TET3: variants seen among roughly 807,000 people sequenced by gnomAD.
TET3 encodes the protein tet methylcytosine dioxygenase 3.
TET3 carries 19 observed loss-of-function variants against 141.4 expected under a neutral mutation model. The observed-to-expected ratio is 0.13, with a 90% CI of 0.09 to 0.20. TET3 has a LOEUF of 0.20. Among genes scored for constraint, TET3 ranks in the 10% least tolerant of loss-of-function variants. The probability of loss-of-function intolerance (pLI) is 1.00; values close to 1 mark genes in which losing one functional copy is unlikely to be tolerated. For synonymous variants in TET3, 1,043 were observed against 980.9 expected, an observed-to-expected ratio of 1.06 and a Z score of -1.18; for missense variants, 1,874 against 2,356.9, an observed-to-expected ratio of 0.80 and a Z score of 4.24.
At chr2:74,034,909 A>C (rs972685069) in intron 3 of TET3, among the ~76,000 whole-genome samples, 2 of 151,846 alleles carry the variant, frequency 1.3e-5, no homozygotes, top group Non-Finnish European at 2.9e-5. Context: ...GTGGTTGTTG[A>C]GGGCCGGGCG....
In TET3 at chr2:74,100,467, A is replaced by G. The variant is rs760979938; in HGVS notation, c.3679A>G (p.Ser1227Gly). The change falls in exon 12 of 12, where the codon AGC (serine) becomes GGC (glycine). Residue 1227 changes from serine (S) to glycine (G), a missense_variant. Physicochemically the swap from Ser to Gly is moderately conservative, Grantham distance 56. Around this residue, in one of 10 missense-constraint regions of TET3, gnomAD observed 602 missense variants for 590.2 expected, o/e 1.02. Coordinates refer to ENST00000409262, the MANE Select transcript of TET3 (RefSeq NM_001287491.2). Reference protein sequence around the residue: ...SLKVEPQNHFSSFKYSGNAVV... With the variant: ...SLKVEPQNHFGSFKYSGNAVV... Reference sequence around the variant, plus strand: ...CAAGGTGGAGCCGCAGAACCACTTCAGCTCCTTCAAGTACAGCGGCAACGC... The same window carrying G: ...CAAGGTGGAGCCGCAGAACCACTTCGGCTCCTTCAAGTACAGCGGCAACGC... 2 of 1,590,556 alleles carry G rather than the reference A, an allele frequency of 1.3e-6. No individual in the cohort carries two copies. The highest frequency in any genetic ancestry group is 4.6e-5 in the East Asian group (2 of 43,460).
At chr2:74,134,991 G>C in the TET3 span, 1 of 270,588 alleles carries the variant, frequency 3.7e-6, no homozygotes, top group Non-Finnish European at 7.4e-6. Context: ...TGTGAGGGAG[G>C]CAGGGAAAGT....
At chr2:74,002,671 C>T (rs1320559838) in intron 2 of TET3, 11 of 407,758 alleles carry the variant, frequency 2.7e-5, no homozygotes, top group East Asian at 1.1e-4. Flanking sequence ...CGCACACCAG[C>T]CCCGCGGCGG....
At chr2:74,122,403 C>CAAGA in the TET3 span, 1 of 144,944 alleles carries the variant, frequency 6.9e-6, no homozygotes, top group Admixed American at 7.1e-5. Context: ...AGGAGCCAGT[C>CAAGA]AAGAAAGTGG....
At chr2:74,117,466 T>C in the TET3 span, among the ~76,000 whole-genome samples, 7 of 151,976 alleles carry the variant, frequency 4.6e-5, no homozygotes, top group Non-Finnish European at 8.8e-5. Flanking sequence ...CTCTGCCTCC[T>C]GTGAGGCTCA....
chr2:74,054,828 A>G (rs777161983), intron 4 of TET3, among the ~76,000 whole-genome samples: 1 of 152,170 alleles, frequency 6.6e-6, no homozygotes, highest in African/African-American at 2.4e-5. Flanking sequence ...TATTTGTTCT[A>G]TGTGCACCAG....
At chr2:74,097,150 G>T (rs1356853248) in intron 10 of TET3, among the ~76,000 whole-genome samples, 1 of 142,376 alleles carries the variant, frequency 7.0e-6, no homozygotes, top group Non-Finnish European at 1.5e-5. Context: ...AGAATAGCAT[G>T]TATATATAAT....
chr2:73,997,580 T>A (rs1329607485), intron 2 of TET3, among the ~76,000 whole-genome samples: 1 of 152,154 alleles, frequency 6.6e-6, no homozygotes, highest in Non-Finnish European at 1.5e-5. Flanking sequence ...ACCTTCCTGG[T>A]GTATCCTGGG....
intron 3 of TET3, among the ~76,000 whole-genome samples, chr2:74,008,067 G>C (rs897056222): frequency 6.6e-6 from 1 of 152,084 alleles, no homozygotes; most frequent in Non-Finnish European, 1.5e-5. Context: ...AGCAGTTTAC[G>C]GGCCATATCC....
Position 74,103,931 on chromosome 2 carries a change from T to A in TET3, c.*1755T>A, listed in dbSNP as rs1381195917. On this transcript the variant is annotated 3_prime_UTR_variant, in exon 12 of 12. Transcript: ENST00000409262. ...GGTCTTCATGAATCATGTTTAACAA[T>A]CAGATGACCGCTATAGGCAAGTTCC... The A allele has an allele frequency of 6.5e-6, 1 of 153,674 alleles. No homozygotes were observed. The allele number at this position is 153,674 out of a possible 1,614,324, so 9.5% of individuals were successfully genotyped here. A position where few individuals can be genotyped will look rare whatever the true frequency, so the allele number is the denominator to read the frequency against.
chr2:73,988,209 G>C (rs1684143791), intron 2 of TET3, among the ~76,000 whole-genome samples: 2 of 152,222 alleles, frequency 1.3e-5, no homozygotes, highest in African/African-American at 4.8e-5. Flanking sequence ...AGGGTGTTAT[G>C]AAGCGGGGGA....
intron 3 of TET3, among the ~76,000 whole-genome samples, chr2:74,017,066 G>T (rs1685766790): frequency 6.6e-6 from 1 of 152,056 alleles, no homozygotes; most frequent in Admixed American, 6.5e-5. Context: ...CAGCAGAATT[G>T]CTTGAGGTGG....
intron 4 of TET3, among the ~76,000 whole-genome samples, chr2:74,065,442 T>G (rs574660775): frequency 6.6e-6 from 1 of 152,348 alleles, no homozygotes; most frequent in African/African-American, 2.4e-5. Flanking sequence ...AGATCATTCT[T>G]TGATCATTTC....
At chr2:74,066,379 C>T (rs1439297603) in intron 4 of TET3, among the ~76,000 whole-genome samples, 2 of 151,884 alleles carry the variant, frequency 1.3e-5, no homozygotes, top group East Asian at 1.9e-4. Flanking sequence ...AACAAGAAAT[C>T]GATGGTGGTA....
the TET3 span, among the ~76,000 whole-genome samples, chr2:74,133,990 C>A: frequency 1.2e-4 from 19 of 152,194 alleles, no homozygotes; most frequent in Admixed American, 2.0e-4. Context: ...TGATCCCCCC[C>A]CCTCGGCCTC....
At chr2:74,125,118 T>G in the TET3 span, among the ~76,000 whole-genome samples, 1 of 151,612 alleles carries the variant, frequency 6.6e-6, no homozygotes, top group African/African-American at 2.4e-5. Context: ...GTGATTCTCC[T>G]CCCTCAGCCT....
At chr2:74,024,509 T>C (rs1019049368) in intron 3 of TET3, among the ~76,000 whole-genome samples, 64 of 152,150 alleles carry the variant, frequency 4.2e-4, no homozygotes, top group South Asian at 1.0e-3. Flanking sequence ...TGCCCTCTGC[T>C]CTGCGGTGGT....
chr2:73,989,604 A>T lies in TET3; in HGVS notation c.303+2898A>T, dbSNP rs1325653151. Among the ~76,000 whole-genome samples the T allele has an allele frequency of 1.3e-5, 2 of 152,092 alleles. 1 individual carries two copies. Among genetic ancestry groups the T allele is most frequent in the Non-Finnish European group, 2.9e-5 (2 of 68,018 alleles). On this transcript the variant is annotated intron_variant, in intron 2 of 11. Transcript: ENST00000409262. ...AGTTCAGCATTTTAGGGCTAGAGAC[A>T]GGTCCCCCAGGGATGGGCCTTCCTG...
At chr2:74,094,329 T>G (rs1690680902) in intron 10 of TET3, among the ~76,000 whole-genome samples, 1 of 151,890 alleles carries the variant, frequency 6.6e-6, no homozygotes, top group South Asian at 2.1e-4. Flanking sequence ...GGGTGTGTGT[T>G]CAGGGAACAA....
Sources: allele counts gnomAD v4.1 joint callset (sites outside exome capture counted in the v4.1 genomes callset), GRCh38; gene constraint gnomAD v4.1.1; regional missense constraint gnomAD v4.1.1; transcripts MANE v1.5; gene names NCBI Gene and HGNC (gene_info 2026-07-23, HGNC 2026-07-21).